Variants in POU6F2 observed in about 807,000 individuals in gnomAD.
The protein encoded by POU6F2 is POU domain, class 6, transcription factor 2.
Under a neutral mutation model 71.3 loss-of-function variants are expected in POU6F2, and 31 were observed. That is an observed-to-expected ratio of 0.43 (90% CI 0.33 to 0.59). The LOEUF is 0.59. POU6F2 is among the 20% of genes least tolerant of loss of function. The pLI is 0.04. For missense variants in POU6F2, 783 were observed against 856.8 expected (o/e 0.91, Z 1.07); for synonymous variants, 347 against 355.7 (o/e 0.98, Z 0.27).
At chr7:39,060,442 A>T (rs1039338120) in intron 1 of POU6F2, among the ~76,000 whole-genome samples, 4 of 152,218 alleles carry the variant, frequency 2.6e-5, no homozygotes, top group African/African-American at 9.6e-5. Context: ...TATACACTTT[A>T]AAATGGTGAA....
At chr7:39,267,426 G>C (rs1784267609) in intron 4 of POU6F2, among the ~76,000 whole-genome samples, 1 of 152,152 alleles carries the variant, frequency 6.6e-6, no homozygotes. Context: ...CCAGACATGT[G>C]CCAGGCCCTA....
chr7:39,461,504 T>A (rs1788949241), intron 9 of POU6F2, among the ~76,000 whole-genome samples: 1 of 152,180 alleles, frequency 6.6e-6, no homozygotes, highest in South Asian at 2.1e-4. Flanking sequence ...TGAGTCCTCC[T>A]CCAACAGGAA....
chr7:39,048,658 G>T (rs1790341511), intron 1 of POU6F2, among the ~76,000 whole-genome samples: 1 of 151,952 alleles, frequency 6.6e-6, no homozygotes, highest in South Asian at 2.1e-4. Context: ...ACATGTGCAT[G>T]TCTTTTTGAT....
intron 4 of POU6F2, among the ~76,000 whole-genome samples, chr7:39,327,594 C>G (rs1046578663): frequency 4.6e-5 from 7 of 151,472 alleles, no homozygotes; most frequent in Non-Finnish European, 2.9e-5. Flanking sequence ...ACTCCCCACT[C>G]TAAAAAAGAA....
intron 5 of POU6F2, among the ~76,000 whole-genome samples, chr7:39,403,484 T>C (rs1787348472): frequency 2.6e-5 from 4 of 152,240 alleles, no homozygotes; most frequent in Admixed American, 1.3e-4. Flanking sequence ...CATCCTTTGC[T>C]GGTTAGGTAC....
chr7:39,166,386 C>T (rs917723976), intron 2 of POU6F2, among the ~76,000 whole-genome samples: 20 of 152,330 alleles, frequency 1.3e-4, no homozygotes, highest in Non-Finnish European at 2.5e-4. Context: ...TTCAATTTGG[C>T]TTGACCTCTA....
At chr7:39,258,016 ACT>A (rs1371535064) in intron 4 of POU6F2, among the ~76,000 whole-genome samples, 5 of 152,316 alleles carry the variant, frequency 3.3e-5, no homozygotes, top group Admixed American at 6.5e-5. Context: ...TTGGGCCACC[ACT>A]GTTTCCCCCC....
chr7:39,223,682 A>T, intron 4 of POU6F2, among the ~76,000 whole-genome samples: 1 of 152,230 alleles, frequency 6.6e-6, no homozygotes, highest in South Asian at 2.1e-4. Context: ...TTCCTGAATC[A>T]CAAGAATTTC....
In POU6F2 at chr7:39,381,197, T is replaced by A. The variant is rs563272331; in HGVS notation, c.973-25403T>A. Among the ~76,000 whole-genome samples the A allele has an allele frequency of 2.4e-4, 37 of 152,258 alleles. No individual in the cohort carries two copies. In the South Asian group the frequency reaches 7.1e-3, roughly 29 times the overall value. ...CTCCTGCCTCAGCCACCTGAGTAGC[T>A]GGGATTACAGGTGTGAGCCATCATG... is the stretch of plus-strand genomic sequence containing the variant. On this transcript the variant is annotated intron_variant, in intron 5 of 9. Transcript: ENST00000518318.
chr7:39,206,023 G>A (rs1190617408), intron 3 of POU6F2, among the ~76,000 whole-genome samples: 1 of 152,186 alleles, frequency 6.6e-6, no homozygotes, highest in East Asian at 1.9e-4. Flanking sequence ...CATGGGACTT[G>A]GGCAAGTTAC....
At chr7:39,409,606 C>T (rs943700820) in intron 6 of POU6F2, among the ~76,000 whole-genome samples, 28 of 152,318 alleles carry the variant, frequency 1.8e-4, no homozygotes, top group African/African-American at 6.5e-4. Context: ...TACCCAGTGT[C>T]TCACAGGGCC....
chr7:39,133,092 C>T (rs1792322929), intron 2 of POU6F2, among the ~76,000 whole-genome samples: 1 of 152,212 alleles, frequency 6.6e-6, no homozygotes, highest in African/African-American at 2.4e-5. Flanking sequence ...TGCCTACAAG[C>T]AAGGACCTGC....
rs138484763 is a variant in POU6F2, at chr7:39,330,408, C to G, written c.599-9234C>G. ...TACCCCGGTCCTCCCTTCCCCTCCT[C>G]CCTCCCACCAAGCATTCCCTTCCAC... On this transcript the variant is annotated intron_variant, in intron 4 of 9. Transcript: ENST00000518318. 4.2e-3 allele frequency among the ~76,000 whole-genome samples: 638 copies of G among 152,280 alleles called. 2 individuals carry two copies. Among genetic ancestry groups the G allele is most frequent in the African/African-American group, 0.015 (613 of 41,576 alleles).
rs1037185178 is a variant in POU6F2, at chr7:39,465,225, A to C, written c.*539A>C. 2 of 152,620 alleles carry C rather than the reference A, an allele frequency of 1.3e-5. No individual in the cohort carries two copies. The highest frequency in any genetic ancestry group is 3.2e-3 in the Middle Eastern group (1 of 316). 9.5% of individuals were successfully genotyped at this position (152,620 alleles called of 1,614,324 possible). On this transcript the variant is annotated 3_prime_UTR_variant, in exon 10 of 10. Coordinates refer to ENST00000518318, the MANE Select transcript of POU6F2 (RefSeq NM_001370959.1). ...AAACCTATTAACCAAAGTCAGAAAC[A>C]TGGCATTGCAACGCGATCGTTCGTC...
At chr7:39,167,234 ACTTGT>A (rs1286590589) in intron 2 of POU6F2, among the ~76,000 whole-genome samples, 2 of 152,154 alleles carry the variant, frequency 1.3e-5, no homozygotes, top group Admixed American at 6.6e-5. Flanking sequence ...TAAAAAACAT[ACTTGT>A]CTTATGCATG....
chr7:39,139,417 C>T (rs1792452691), intron 2 of POU6F2, among the ~76,000 whole-genome samples: 1 of 152,184 alleles, frequency 6.6e-6, no homozygotes, highest in Non-Finnish European at 1.5e-5. Flanking sequence ...CCTGCCCTGT[C>T]TGTTACCTGA....
At chr7:39,220,750 T>G (rs1406629194) in intron 4 of POU6F2, among the ~76,000 whole-genome samples, 1 of 152,072 alleles carries the variant, frequency 6.6e-6, no homozygotes, top group Non-Finnish European at 1.5e-5. Flanking sequence ...TTTAGGGTTG[T>G]TTTAAAAGTT....
chr7:39,102,654 A>C (rs1003072442), intron 2 of POU6F2, among the ~76,000 whole-genome samples: 1 of 152,180 alleles, frequency 6.6e-6, no homozygotes, highest in South Asian at 2.1e-4. Flanking sequence ...ATATGTATGC[A>C]TGTGCATATA....
At chr7:38,988,694 A>G (rs1241048737) in intron 1 of POU6F2, among the ~76,000 whole-genome samples, 1 of 152,088 alleles carries the variant, frequency 6.6e-6, no homozygotes, top group African/African-American at 2.4e-5. Context: ...TAAGGTAGGT[A>G]CTGTTGTTAT....
Sources: allele counts gnomAD v4.1 joint callset (sites outside exome capture counted in the v4.1 genomes callset), GRCh38; gene constraint gnomAD v4.1.1; transcripts MANE v1.5; gene names NCBI Gene and HGNC (gene_info 2026-07-23, HGNC 2026-07-21).